The following SMIM45 variants were observed in gnomAD, a reference collection of about 807,000 sequenced individuals.
SMIM45 encodes long intergenic non-protein coding RNA 634.
At chr22:41,949,465 G>A in the SMIM45 span, among the ~76,000 whole-genome samples, 10 of 152,326 alleles carry the variant, frequency 6.6e-5, no homozygotes, top group African/African-American at 1.9e-4. Flanking sequence ...CTTCCGAGGC[G>A]TAGCAAGGAG....
the SMIM45 span, among the ~76,000 whole-genome samples, chr22:41,951,296 G>A: frequency 2.6e-5 from 4 of 152,242 alleles, no homozygotes; most frequent in African/African-American, 9.6e-5. Context: ...TATGGCATAG[G>A]GGGAGGGGGA....
chr22:41,952,393 C>T, the SMIM45 span: 1 of 152,398 alleles, frequency 6.6e-6, no homozygotes, highest in African/African-American at 2.4e-5. Flanking sequence ...AGCACAGAGC[C>T]CCCGGAACTG....
At chr22:41,949,117 C>A in the SMIM45 span, among the ~76,000 whole-genome samples, 17 of 151,328 alleles carry the variant, frequency 1.1e-4, no homozygotes, top group Non-Finnish European at 7.4e-5. Context: ...CGGTGGCGGG[C>A]GCCTGTAATA....
the SMIM45 span, among the ~76,000 whole-genome samples, chr22:41,954,202 A>ATTTTTTTTTTT: frequency 9.6e-6 from 1 of 104,552 alleles, no homozygotes; most frequent in African/African-American, 4.1e-5. Context: ...GGTACTTTGA[A>ATTTTTTTTTTT]TTTTTTTTTT....
the SMIM45 span, chr22:41,946,958 A>G: frequency 1.3e-6 from 2 of 1,540,322 alleles, no homozygotes; most frequent in Non-Finnish European, 1.8e-6. Flanking sequence ...CAGTTGACCT[A>G]GTGGCTGAAG....
the SMIM45 span, among the ~76,000 whole-genome samples, chr22:41,952,922 A>G: frequency 6.6e-6 from 1 of 152,140 alleles, no homozygotes; most frequent in Non-Finnish European, 1.5e-5. Context: ...TAAGTCACAC[A>G]GGGAGCAGCC....
the SMIM45 span, among the ~76,000 whole-genome samples, chr22:41,948,386 G>T: frequency 6.6e-6 from 1 of 152,122 alleles, no homozygotes; most frequent in Non-Finnish European, 1.5e-5. Flanking sequence ...GTTTGATGGG[G>T]GTGGGATAGA....
chr22:41,956,020 CT>C, the SMIM45 span, among the ~76,000 whole-genome samples: 8,789 of 142,228 alleles, frequency 0.062, 643 homozygotes, highest in African/African-American at 0.19. Context: ...TTACCATTCC[CT>C]TTTTTTTTTT....
At chr22:41,953,047 C>T in the SMIM45 span, among the ~76,000 whole-genome samples, 513 of 152,318 alleles carry the variant, frequency 3.4e-3, 2 homozygotes, top group East Asian at 4.8e-3. Flanking sequence ...GGGTCCTACA[C>T]GCTCCCCTGC....
At chr22:41,947,192 G>T in the SMIM45 span, 2 of 949,964 alleles carry the variant, frequency 2.1e-6, no homozygotes, top group Non-Finnish European at 3.3e-6. Flanking sequence ...GCGGGGCTTC[G>T]CGGGACGGGA....
the SMIM45 span, among the ~76,000 whole-genome samples, chr22:41,956,838 G>C: frequency 6.6e-6 from 1 of 152,252 alleles, no homozygotes. Flanking sequence ...GCCCAGGCTG[G>C]AGCACAGTGG....
At chr22:41,950,256 A>G in the SMIM45 span, among the ~76,000 whole-genome samples, 20 of 152,330 alleles carry the variant, frequency 1.3e-4, no homozygotes, top group African/African-American at 4.8e-4. Flanking sequence ...ACTTATTTCA[A>G]GGGTACAATT....
the SMIM45 span, among the ~76,000 whole-genome samples, chr22:41,957,181 C>CTTTTT: frequency 1.4e-3 from 83 of 59,292 alleles, 12 homozygotes; most frequent in Admixed American, 2.7e-3. Context: ...ACCACGTGGT[C>CTTTTT]TTTTTTTTTT....
the SMIM45 span, among the ~76,000 whole-genome samples, chr22:41,949,665 G>A: frequency 6.6e-6 from 1 of 152,198 alleles, no homozygotes. Context: ...TGCCTGCCCT[G>A]GGGACCCTGG....
the SMIM45 span, among the ~76,000 whole-genome samples, chr22:41,948,232 G>A: frequency 5.3e-5 from 8 of 152,148 alleles, no homozygotes; most frequent in African/African-American, 1.9e-4. Context: ...CTGGTACATC[G>A]TAGTTAATAA....
the SMIM45 span, chr22:41,947,120 C>A: frequency 7.5e-6 from 12 of 1,598,334 alleles, no homozygotes; most frequent in Non-Finnish European, 4.3e-6. Context: ...GCGCGCCGAT[C>A]TTTCAAACCG....
chr22:41,952,704 G>T, the SMIM45 span, among the ~76,000 whole-genome samples: 1 of 152,190 alleles, frequency 6.6e-6, no homozygotes, highest in East Asian at 1.9e-4. Flanking sequence ...AAGAGACCAC[G>T]GGGTCCTCAG....
At chr22:41,951,881 A>G in the SMIM45 span, among the ~76,000 whole-genome samples, 1 of 152,082 alleles carries the variant, frequency 6.6e-6, no homozygotes, top group African/African-American at 2.4e-5. Flanking sequence ...GCAGACCATC[A>G]AACCTTAGAG....
At chr22:41,950,502 G>A in the SMIM45 span, among the ~76,000 whole-genome samples, 9 of 151,324 alleles carry the variant, frequency 5.9e-5, no homozygotes, top group Non-Finnish European at 1.2e-4. Context: ...GTTCAAGACC[G>A]GCTTGGGCAA....
Sources: gnomAD v4.1 joint callset for allele counts (sites outside exome capture counted in the v4.1 genomes callset) on GRCh38, gnomAD v4.1.1 for gene constraint, MANE v1.5 for transcripts, NCBI Gene and HGNC (gene_info 2026-07-23, HGNC 2026-07-21) for gene names.